The following APLF variants were observed in gnomAD, a reference collection of about 807,000 sequenced individuals.
APLF encodes the protein aprataxin and PNK-like factor.
In APLF, 61 loss-of-function variants were observed where a neutral mutation model predicts 55.6. That is an observed-to-expected ratio of 1.10 (90% CI 0.89 to 1.36). The LOEUF (loss-of-function observed/expected upper bound fraction) is 1.36. Among genes scored for constraint, APLF ranks in the 40% most tolerant of loss-of-function variants. The pLI is 0.00. For missense variants in APLF, 611 were observed against 602.5 expected (o/e 1.01, Z -0.15); for synonymous variants, 207 against 214.8 (o/e 0.96, Z 0.32).
At chr2:68,555,965 A>G (rs1020882597) in intron 8 of APLF, among the ~76,000 whole-genome samples, 3 of 152,224 alleles carry the variant, frequency 2.0e-5, no homozygotes, top group Admixed American at 6.5e-5. Flanking sequence ...ATGCGCATCA[A>G]TAAACGAGTG....
intron 6 of APLF, chr2:68,528,293 G>C: frequency 7.2e-7 from 1 of 1,396,580 alleles, no homozygotes; most frequent in South Asian, 1.2e-5. Context: ...CCTGAATTTT[G>C]ATGTTCTACT....
rs1416519594 is a variant in APLF at position 68,578,142 on chromosome 2, T to C, written c.*120T>C. 1.4e-6 allele frequency: 2 copies of C among 1,442,780 alleles called. No homozygotes were observed. Among genetic ancestry groups the C allele is most frequent in the African/African-American group, 1.4e-5 (1 of 69,840 alleles). The allele number at this position is 1,442,780 out of a possible 1,614,324, so 89.4% of individuals were successfully genotyped here. The stretch of plus-strand genomic sequence containing the variant: ...TCCTTCTTTTGATAGTTAATGACTT[T>C]TACTACTGACTCTTTACAAATGAGA... On this transcript the variant is annotated 3_prime_UTR_variant, in exon 10 of 10. Transcript: ENST00000303795.
chr2:68,535,969 A>G (rs1403887643), intron 6 of APLF, among the ~76,000 whole-genome samples: 1 of 152,204 alleles, frequency 6.6e-6, no homozygotes, highest in African/African-American at 2.4e-5. Context: ...GATACATTTT[A>G]TTGAACATCT....
At chr2:68,480,327 C>T (rs112949621) in intron 1 of APLF, among the ~76,000 whole-genome samples, 39 of 148,714 alleles carry the variant, frequency 2.6e-4, no homozygotes, top group East Asian at 7.9e-4. Context: ...TTTTTTGAGA[C>T]GGAGTTTCAC....
intron 5 of APLF, chr2:68,515,885 T>A (rs1669564366): frequency 2.3e-6 from 1 of 435,710 alleles, no homozygotes; most frequent in Non-Finnish European, 3.0e-6. Context: ...AGACTTATTC[T>A]GTGGTGCTGT....
At chr2:68,547,428 G>A (rs565873763) in intron 8 of APLF, among the ~76,000 whole-genome samples, 5 of 151,662 alleles carry the variant, frequency 3.3e-5, no homozygotes, top group East Asian at 1.9e-4. Context: ...CATGACAATC[G>A]TACATAATGA....
chr2:68,470,138 T>G (rs1032705369), intron 1 of APLF, among the ~76,000 whole-genome samples: 3 of 152,214 alleles, frequency 2.0e-5, no homozygotes, highest in African/African-American at 7.2e-5. Flanking sequence ...GCTCCATGAT[T>G]GGCATCAGTT....
chr2:68,546,398 A>G (rs1250164610), intron 8 of APLF, among the ~76,000 whole-genome samples: 1 of 151,996 alleles, frequency 6.6e-6, no homozygotes, highest in African/African-American at 2.4e-5. Flanking sequence ...AAGAGGGTGT[A>G]TTTCCCAATT....
At chr2:68,542,101 G>A (rs1670569902) in intron 7 of APLF, among the ~76,000 whole-genome samples, 1 of 152,128 alleles carries the variant, frequency 6.6e-6, no homozygotes, top group Non-Finnish European at 1.5e-5. Flanking sequence ...GCAAAAGAGT[G>A]AAGTTGGATG....
intron 3 of APLF, among the ~76,000 whole-genome samples, chr2:68,504,976 TGTTAAG>T (rs981934873): frequency 1.3e-5 from 2 of 152,070 alleles, no homozygotes; most frequent in African/African-American, 4.8e-5. Flanking sequence ...TTCTGTGTCT[TGTTAAG>T]GGTGCAGATT....
intron 5 of APLF, among the ~76,000 whole-genome samples, chr2:68,517,638 A>G (rs1669660493): frequency 7.0e-6 from 1 of 143,462 alleles, no homozygotes; most frequent in Non-Finnish European, 1.5e-5. Flanking sequence ...GTAACAATAT[A>G]TCACTAATAT....
intron 5 of APLF, among the ~76,000 whole-genome samples, chr2:68,517,068 GTTAATATATAATATGTTA>G (rs1390275095): frequency 8.3e-6 from 1 of 120,862 alleles, no homozygotes; most frequent in East Asian, 2.3e-4. Flanking sequence ...TATATAACAT[GTTAATATATAATATGTTA>G]TTAATATATA....
intron 1 of APLF, among the ~76,000 whole-genome samples, chr2:68,480,802 T>A (rs1675928308): frequency 6.6e-6 from 1 of 152,200 alleles, no homozygotes; most frequent in African/African-American, 2.4e-5. Context: ...TATACCTGAT[T>A]TGTTGAGTGT....
chr2:68,559,701 C>T (rs879913890), intron 8 of APLF, among the ~76,000 whole-genome samples: 6 of 152,050 alleles, frequency 3.9e-5, no homozygotes, highest in Non-Finnish European at 7.4e-5. Context: ...TACCTTTGCC[C>T]TCTACCACCC....
At chr2:68,514,413 T>A (rs552927210) in intron 5 of APLF, among the ~76,000 whole-genome samples, 1 of 151,942 alleles carries the variant, frequency 6.6e-6, no homozygotes, top group African/African-American at 2.4e-5. Flanking sequence ...GATTTTGTTA[T>A]GTTCCTCTGA....
intron 3 of APLF, among the ~76,000 whole-genome samples, chr2:68,509,378 A>G (rs902526273): frequency 2.0e-5 from 3 of 152,104 alleles, no homozygotes; most frequent in African/African-American, 7.2e-5. Flanking sequence ...TTTATAAGAA[A>G]AAAACAACCC....
chr2:68,486,972 G>A (rs1167608525), intron 1 of APLF, among the ~76,000 whole-genome samples: 1 of 152,086 alleles, frequency 6.6e-6, no homozygotes, highest in African/African-American at 2.4e-5. Flanking sequence ...TTCTTTTTGA[G>A]TCCCTGGGTT....
At chr2:68,526,342 T>G (rs1439659982) in intron 6 of APLF, 100 bp downstream of exon 6, 1 of 1,445,664 alleles carries the variant, frequency 6.9e-7, no homozygotes, top group Non-Finnish European at 9.5e-7. Context: ...CTGCCTTTTA[T>G]TGTTGAGTTT....
chr2:68,531,780 C>A (rs549477326), intron 6 of APLF, among the ~76,000 whole-genome samples: 1 of 152,230 alleles, frequency 6.6e-6, no homozygotes, highest in South Asian at 2.1e-4. Flanking sequence ...CTGTTTATCC[C>A]AACCCATAAG....
Sources: gnomAD v4.1 joint callset for allele counts (sites outside exome capture counted in the v4.1 genomes callset) on GRCh38, gnomAD v4.1.1 for gene constraint, MANE v1.5 for transcripts, NCBI Gene and HGNC (gene_info 2026-07-23, HGNC 2026-07-21) for gene names.